DENND6A: variants seen among roughly 807,000 people sequenced by gnomAD.
DENND6A encodes the protein DENN domain containing 6A, also known as protein DENND6A.
Under a neutral mutation model 95.5 loss-of-function variants are expected in DENND6A, and 43 were observed. The observed-to-expected ratio is 0.45, with a 90% CI of 0.35 to 0.58. The LOEUF (loss-of-function observed/expected upper bound fraction) is 0.58. Ranked by LOEUF, DENND6A falls within the 20% of genes least tolerant of loss-of-function variation. The probability of loss-of-function intolerance (pLI) is 0.00; values close to 1 mark genes in which losing one functional copy is unlikely to be tolerated. For synonymous variants in DENND6A, 257 were observed against 260.4 expected (o/e 0.99, Z 0.13); for missense variants, 574 against 736.0 (o/e 0.78, Z 2.55).
chr3:57,692,877 G>T lies in DENND6A; in HGVS notation c.142C>A (p.Arg48Ser), dbSNP rs1203354428. ...TCCCAGCGCAGCAGGCCCCGGCCACGGCCATCGTCCTCTTCATCGTCCTCT... is the reference window on the plus strand; with the variant it reads ...TCCCAGCGCAGCAGGCCCCGGCCACTGCCATCGTCCTCTTCATCGTCCTCT... ...APEDDEEDDG[R>S]GRGLLRWDSF... is the part of the protein sequence containing the mutation. The change falls in exon 1 of 20, where the codon CGT (arginine) becomes AGT (serine). Residue 48 changes from arginine (R) to serine (S), a missense_variant. By Grantham distance (110) the Arg-to-Ser change is moderately radical (BLOSUM62 -1). Around this residue, in one of 2 missense-constraint regions of DENND6A, gnomAD observed 122 missense variants for 105.1 expected, o/e 1.16. Transcript: ENST00000311128. The T allele has an allele frequency of 1.3e-6, 2 of 1,584,030 alleles. No individual in the cohort carries two copies. The highest frequency in any genetic ancestry group is 2.8e-5 in the African/African-American group (2 of 71,794).
intron 10 of DENND6A, 123 bp downstream of exon 10, chr3:57,646,192 TG>T: frequency 1.5e-6 from 2 of 1,347,634 alleles, no homozygotes; most frequent in African/African-American, 2.9e-5. Flanking sequence ...GGTTTTTGCA[TG>T]GATCAATGCA....
At chr3:57,671,784 C>T (rs540800748) in intron 3 of DENND6A, among the ~76,000 whole-genome samples, 9 of 152,186 alleles carry the variant, frequency 5.9e-5, no homozygotes, top group Non-Finnish European at 1.3e-4. Flanking sequence ...TTTCTATACA[C>T]CAAGCACTAC....
rs1008087520 is a variant in DENND6A, at chr3:57,626,920, C to T, written c.*1294G>A. ...ATAGTAGGAAAAGTGTTTTAAGAAACATTAATGTTGGGAAAAATAAAACGC... is the reference window on the plus strand; with the variant it reads ...ATAGTAGGAAAAGTGTTTTAAGAAATATTAATGTTGGGAAAAATAAAACGC... On this transcript the variant is annotated 3_prime_UTR_variant, in exon 20 of 20. Transcript: ENST00000311128. 3.3e-4 allele frequency: 50 copies of T among 152,462 alleles called. No homozygotes were observed. The highest frequency in any genetic ancestry group is 1.2e-3 in the African/African-American group (48 of 41,530). 9.4% of individuals were successfully genotyped at this position (152,462 alleles called of 1,614,324 possible).
At chr3:57,677,419 CTTT>C (rs71088101) in intron 1 of DENND6A, among the ~76,000 whole-genome samples, 1 of 68,706 alleles carries the variant, frequency 1.5e-5, no homozygotes, top group Admixed American at 2.2e-4. Context: ...CTTTGTTGTC[CTTT>C]TTTTTTTTTT....
At chr3:57,681,621 TAA>T (rs35245886) in intron 1 of DENND6A, among the ~76,000 whole-genome samples, 14 of 119,632 alleles carry the variant, frequency 1.2e-4, no homozygotes, top group Non-Finnish European at 1.2e-4. Flanking sequence ...AAGACCCTGT[TAA>T]AAAAAAAAAA....
At position 57,670,405 on chromosome 3, in the gene DENND6A, G is replaced by A. The variant is rs78981336; in HGVS notation, c.319+1851C>T. On this transcript the variant is annotated intron_variant, in intron 3 of 19. Coordinates refer to ENST00000311128, the MANE Select transcript of DENND6A (RefSeq NM_152678.3). ...AAAAAGGATTTGGACTTCTAGGGGT[G>A]GTAATCTGTGGGAAGGTAAACATAT... 8.5e-4 allele frequency among the ~76,000 whole-genome samples: 129 copies of A among 152,272 alleles called. 2 individuals are homozygous for A. In the East Asian group the frequency reaches 0.016, roughly 18 times the overall value.
chr3:57,691,031 A>G (rs569140762), intron 1 of DENND6A, among the ~76,000 whole-genome samples: 2 of 152,354 alleles, frequency 1.3e-5, no homozygotes, highest in Admixed American at 6.5e-5. Context: ...AAGTCCTTTA[A>G]TAATTCACAT....
Position 57,669,112 on chromosome 3 carries a change from T to C in DENND6A, c.320-2877A>G, listed in dbSNP as rs535580242. Among the ~76,000 whole-genome samples the C allele has an allele frequency of 2.6e-5, 4 of 152,310 alleles. No individual in the cohort carries two copies. The East Asian group carries it at 7.7e-4, about 29-fold the overall frequency. Reference sequence around the variant, plus strand: ...GTCTCGAATTCCTGATCTCAAGTTATCTGTCCGCCTCAGCCTCCCAAAGTC... The same window carrying C: ...GTCTCGAATTCCTGATCTCAAGTTACCTGTCCGCCTCAGCCTCCCAAAGTC... On this transcript the variant is annotated intron_variant, in intron 3 of 19. Coordinates refer to ENST00000311128, the MANE Select transcript of DENND6A (RefSeq NM_152678.3).
chr3:57,630,548 T>C, intron 17 of DENND6A, 25 bp from the exon 18 acceptor site: 6 of 1,572,998 alleles, frequency 3.8e-6, no homozygotes, highest in South Asian at 1.2e-5. Flanking sequence ...TTTAAAAAAG[T>C]AAAGTTTGAT....
chr3:57,686,121 C>T (rs1468805692), intron 1 of DENND6A, among the ~76,000 whole-genome samples: 2 of 152,106 alleles, frequency 1.3e-5, no homozygotes, highest in Non-Finnish European at 2.9e-5. Context: ...CCCAATAATA[C>T]AAAAATAGCC....
At chr3:57,688,337 T>C (rs1266577587) in intron 1 of DENND6A, among the ~76,000 whole-genome samples, 1 of 152,036 alleles carries the variant, frequency 6.6e-6, no homozygotes, top group Non-Finnish European at 1.5e-5. Context: ...TATGAGAATA[T>C]TTATGAATAA....
chr3:57,692,165 T>C (rs753939542), intron 1 of DENND6A, among the ~76,000 whole-genome samples: 17 of 142,670 alleles, frequency 1.2e-4, no homozygotes, highest in Non-Finnish European at 2.4e-4. Flanking sequence ...GAGGCAGAGG[T>C]TGCGGTGAGC....
chr3:57,685,124 C>T (rs948934348), intron 1 of DENND6A, among the ~76,000 whole-genome samples: 6 of 150,676 alleles, frequency 4.0e-5, no homozygotes, highest in Non-Finnish European at 5.9e-5. Flanking sequence ...GGTTTCACCA[C>T]GTTGGCCAAG....
chr3:57,678,677 C>A (rs941571871), intron 1 of DENND6A, among the ~76,000 whole-genome samples: 5 of 152,226 alleles, frequency 3.3e-5, no homozygotes, highest in Non-Finnish European at 7.3e-5. Flanking sequence ...CTCTTTCTCT[C>A]TACCATGTGA....
At chr3:57,643,729 A>G (rs1471090411) in intron 11 of DENND6A, among the ~76,000 whole-genome samples, 1 of 150,586 alleles carries the variant, frequency 6.6e-6, no homozygotes, top group Non-Finnish European at 1.5e-5. Flanking sequence ...TGGGAGGCTG[A>G]GGTAGGAGAA....
At chr3:57,683,709 G>A (rs1164801959) in intron 1 of DENND6A, among the ~76,000 whole-genome samples, 4 of 152,148 alleles carry the variant, frequency 2.6e-5, no homozygotes, top group South Asian at 2.1e-4. Flanking sequence ...TCAAGCTACC[G>A]CTAGCATTTC....
chr3:57,659,363 A>G (rs1045165766), intron 7 of DENND6A, among the ~76,000 whole-genome samples, 183 bp from the exon 8 acceptor site: 2 of 152,170 alleles, frequency 1.3e-5, no homozygotes, highest in African/African-American at 4.8e-5. Context: ...TAAGTAAATC[A>G]AGGTCTCCAT....
intron 18 of DENND6A, among the ~76,000 whole-genome samples, chr3:57,629,173 G>A (rs1359896506): frequency 1.3e-5 from 2 of 152,160 alleles, no homozygotes; most frequent in African/African-American, 4.8e-5. Flanking sequence ...AGCTCAAACT[G>A]TAACAGTAAC....
chr3:57,680,394 AG>A lies in DENND6A; in HGVS notation c.238-7957del, dbSNP rs1385933091. Among the ~76,000 whole-genome samples the A allele has an allele frequency of 2.0e-5, 3 of 151,906 alleles. No homozygotes were observed. In the East Asian group the frequency reaches 5.9e-4, roughly 30 times the overall value. ...ACCTTTGGGAGGCGATCAAGTCGTG[AG>A]GGCAGAGCCCTCATGATTGAGATTA... On this transcript the variant is annotated intron_variant, in intron 1 of 19. Coordinates refer to ENST00000311128, the MANE Select transcript of DENND6A (RefSeq NM_152678.3).
Sources: gnomAD v4.1 joint callset for allele counts (sites outside exome capture counted in the v4.1 genomes callset) on GRCh38, gnomAD v4.1.1 for gene constraint, gnomAD v4.1.1 regional missense constraint, MANE v1.5 for transcripts, NCBI Gene and HGNC (gene_info 2026-07-23, HGNC 2026-07-21) for gene names.